Variants in KIF1B observed in about 807,000 individuals in gnomAD.
KIF1B encodes kinesin family member 1B.
Under a neutral mutation model 241.9 loss-of-function variants are expected in KIF1B, and 76 were observed. That is an observed-to-expected ratio of 0.31 (90% confidence interval 0.26 to 0.38). The LOEUF (loss-of-function observed/expected upper bound fraction) is 0.38, where lower values mean the gene tolerates loss of function less well. KIF1B is among the 10% of genes least tolerant of loss of function. The pLI is 1.00. For synonymous variants in KIF1B, 750 were observed against 796.7 expected (o/e 0.94, Z 0.99); for missense variants, 1,622 against 2,271.4 (o/e 0.71, Z 5.81).
At chr1:10,236,191 A>G (rs1278599858) in intron 2 of KIF1B, among the ~76,000 whole-genome samples, 13 of 151,612 alleles carry the variant, frequency 8.6e-5, no homozygotes, top group Admixed American at 8.6e-4. Flanking sequence ...AGAATCGCTT[A>G]AACCCTGGAA....
In KIF1B at chr1:10,295,326, C is replaced by T. The variant is rs556209972; in HGVS notation, c.1670+161C>T. On this transcript the variant is annotated intron_variant, in intron 18 of 48. Coordinates refer to ENST00000676179, the MANE Select transcript of KIF1B (RefSeq NM_001365951.3). ...TCTCTTTCCAAATAATGTGTTTTTGCCACTGGAGCCAGTTACTATGTAGTT... is the reference window on the plus strand; with the variant it reads ...TCTCTTTCCAAATAATGTGTTTTTGTCACTGGAGCCAGTTACTATGTAGTT... Among the ~76,000 whole-genome samples, 13 of 152,208 alleles carry T rather than the reference C, an allele frequency of 8.5e-5. 1 individual carries two copies. Among genetic ancestry groups the T allele is most frequent in the Middle Eastern group, 3.4e-3 (1 of 294 alleles).
At chr1:10,276,031 G>T (rs919867962) in intron 11 of KIF1B, among the ~76,000 whole-genome samples, 2 of 151,342 alleles carry the variant, frequency 1.3e-5, no homozygotes, top group Admixed American at 1.3e-4. Context: ...TCAGCCTCCC[G>T]AGTAGCTGGG....
At position 10,343,233 on chromosome 1, in the gene KIF1B, C is replaced by A; in HGVS notation, c.3634C>A (p.Pro1212Thr). 2.5e-6 allele frequency: 4 copies of A among 1,614,170 alleles called. No homozygotes were observed. The highest frequency in any genetic ancestry group is 3.4e-6 in the Non-Finnish European group (4 of 1,180,014). Residue 1212 changes from proline to threonine, a missense_variant and splice_region_variant, in exon 34 of 49, where the codon CCG (proline) becomes ACG (threonine). Transcript: ENST00000676179. ...ATCTTTGTCTTCCTTTCTTTGCAGTCCGCCTCAGCCGTGCCGCCGATTCTT... is the reference window on the plus strand; with the variant it reads ...ATCTTTGTCTTCCTTTCTTTGCAGTACGCCTCAGCCGTGCCGCCGATTCTT... ...LHLQGQELNS[P>T]PQPCRRFFPP...
intron 45 of KIF1B, among the ~76,000 whole-genome samples, chr1:10,371,939 A>G (rs931085515): frequency 1.7e-4 from 26 of 152,218 alleles, no homozygotes; most frequent in African/African-American, 5.5e-4. Flanking sequence ...CTGTCCCTAA[A>G]AAAAATAAAA....
At chr1:10,373,173 A>G (rs1195984242) in intron 45 of KIF1B, among the ~76,000 whole-genome samples, 2 of 144,316 alleles carry the variant, frequency 1.4e-5, no homozygotes, top group Non-Finnish European at 3.0e-5. Flanking sequence ...GTTAGCCAGG[A>G]TGGTCTTGGT....
chr1:10,305,958 C>T (rs1650809429), intron 22 of KIF1B: 1 of 1,053,390 alleles, frequency 9.5e-7, no homozygotes, highest in Admixed American at 5.4e-5. Context: ...AAACACTTGT[C>T]TTCCAAACGG....
chr1:10,303,545 C>T lies in KIF1B; in HGVS notation c.2115+6299C>T, dbSNP rs914406855. 5.6e-6 allele frequency: 9 copies of T among 1,614,064 alleles called. No individual in the cohort carries two copies. Among genetic ancestry groups the T allele is most frequent in the Non-Finnish European group, 7.6e-6 (9 of 1,180,034 alleles). On this transcript the variant is annotated intron_variant, in intron 22 of 48. Transcript: ENST00000676179. The surrounding 1 kb of genome is among the most constrained non-coding windows in gnomAD (Gnocchi z 5.2). ...CCCAATGAGCGGGACTCCTGGAGGG[C>T]AGTGGCCAGGGACGTCTGGGATACC...
At chr1:10,281,406 TTTC>T (rs1340899178) in intron 14 of KIF1B, among the ~76,000 whole-genome samples, 1 of 152,214 alleles carries the variant, frequency 6.6e-6, no homozygotes, top group East Asian at 1.9e-4. Context: ...TTAATTTTTT[TTTC>T]TTTTACCAAT....
intron 37 of KIF1B, 93 bp downstream of exon 37, chr1:10,348,826 A>C: frequency 1.1e-6 from 1 of 901,406 alleles, no homozygotes; most frequent in Non-Finnish European, 1.8e-6. Context: ...CCCAGGCTGG[A>C]GTACAGTGAT....
chr1:10,372,979 ATTT>A (rs77889357), intron 45 of KIF1B, among the ~76,000 whole-genome samples: 1 of 144,840 alleles, frequency 6.9e-6, no homozygotes, highest in East Asian at 2.1e-4. Flanking sequence ...ATGCCCAGCT[ATTT>A]TTTTTTTTAT....
intron 15 of KIF1B, among the ~76,000 whole-genome samples, chr1:10,288,684 G>T (rs1649833760): frequency 6.8e-6 from 1 of 146,362 alleles, no homozygotes; most frequent in South Asian, 2.2e-4. Context: ...TACCTTTGCT[G>T]GTTGTTGTTG....
chr1:10,291,875 T>C (rs1423857818), intron 16 of KIF1B, among the ~76,000 whole-genome samples, 172 bp from the exon 17 acceptor site: 1 of 152,232 alleles, frequency 6.6e-6, no homozygotes, highest in African/African-American at 2.4e-5. Context: ...ATGTTGCTTT[T>C]AGAAATAACT....
At chr1:10,336,100 G>C (rs1047685016) in intron 28 of KIF1B, among the ~76,000 whole-genome samples, 3 of 152,204 alleles carry the variant, frequency 2.0e-5, no homozygotes, top group African/African-American at 7.2e-5. Context: ...TGCCAGCATG[G>C]AGACAGTCAG....
At chr1:10,250,522 AT>A (rs1647379388) in intron 2 of KIF1B, among the ~76,000 whole-genome samples, 1 of 151,976 alleles carries the variant, frequency 6.6e-6, no homozygotes, top group Non-Finnish European at 1.5e-5. Flanking sequence ...TAAATACAGT[AT>A]TTTTAAATTG....
At chr1:10,219,495 G>C (rs905049182) in intron 1 of KIF1B, among the ~76,000 whole-genome samples, 1 of 151,710 alleles carries the variant, frequency 6.6e-6, no homozygotes, top group South Asian at 2.1e-4. Context: ...TATGGCTCAC[G>C]CCTGTAATCC....
chr1:10,315,628 G>A lies in KIF1B; in HGVS notation c.2116-4415G>A, dbSNP rs1489798537. Among the ~76,000 whole-genome samples, 5 of 151,384 alleles carry A rather than the reference G, an allele frequency of 3.3e-5. 1 individual carries two copies. The highest frequency in any genetic ancestry group is 1.2e-4 in the African/African-American group (5 of 40,766). On this transcript the variant is annotated intron_variant, in intron 22 of 48. Transcript: ENST00000676179. ...GTGTTTTAATCCAAGATCCAGTCAAGGTTTATATATTTCATTTGGTTATGA... is the reference window on the plus strand; with the variant it reads ...GTGTTTTAATCCAAGATCCAGTCAAAGTTTATATATTTCATTTGGTTATGA...
At chr1:10,222,658 T>C (rs947433644) in intron 1 of KIF1B, among the ~76,000 whole-genome samples, 1 of 152,160 alleles carries the variant, frequency 6.6e-6, no homozygotes, top group African/African-American at 2.4e-5. Context: ...TTCTACAAGA[T>C]CAAAATTAAG....
At position 10,293,393 on chromosome 1, in the gene KIF1B, A is replaced by AT. The variant is rs34521613; in HGVS notation, c.1590+1292dup. 8.5e-3 allele frequency among the ~76,000 whole-genome samples: 1,087 copies of AT among 128,616 alleles called. 10 individuals are homozygous for AT. The highest frequency in any genetic ancestry group is 0.028 in the South Asian group (118 of 4,148). 84.4% of individuals were successfully genotyped at this position (128,616 alleles called of 152,430 possible). ...TTACAGTATTAAAGACTGTGAGGAA[A>AT]TTTTTTTTTTTTTTTTTTTTTGAGA... On this transcript the variant is annotated intron_variant, in intron 17 of 48. Coordinates refer to ENST00000676179, the MANE Select transcript of KIF1B (RefSeq NM_001365951.3).
intron 38 of KIF1B, among the ~76,000 whole-genome samples, chr1:10,357,336 C>G (rs1469300488): frequency 6.6e-6 from 1 of 152,200 alleles, no homozygotes; most frequent in Non-Finnish European, 1.5e-5. Flanking sequence ...AGGAGGCATA[C>G]AGGAAAATAT....
Sources: gnomAD v4.1 joint callset for allele counts (sites outside exome capture counted in the v4.1 genomes callset) on GRCh38, gnomAD v4.1.1 for gene constraint, Gnocchi (gnomAD v3.1) non-coding constraint, MANE v1.5 for transcripts, NCBI Gene and HGNC (gene_info 2026-07-23, HGNC 2026-07-21) for gene names.